Variants in IL4R observed in about 807,000 individuals in gnomAD.
IL4R encodes the protein interleukin 4 receptor.
A neutral mutation model predicts 41.5 loss-of-function variants in IL4R; 17 were observed. That is an observed-to-expected ratio of 0.41 (90% CI 0.28 to 0.61). The LOEUF is 0.61. IL4R is among the 20% of genes least tolerant of loss of function. The probability of loss-of-function intolerance (pLI) is 0.31; values close to 1 mark genes in which losing one functional copy is unlikely to be tolerated. For missense variants in IL4R, 974 were observed against 1,043.1 expected (o/e 0.93, Z 0.91); for synonymous variants, 402 against 422.9 (o/e 0.95, Z 0.61).
At chr16:27,316,090 C>T (rs2084640973) in intron 1 of IL4R, among the ~76,000 whole-genome samples, 1 of 152,198 alleles carries the variant, frequency 6.6e-6, no homozygotes, top group African/African-American at 2.4e-5. Flanking sequence ...AAGTGACAAG[C>T]TGGGCGCAGT....
In IL4R at chr16:27,324,297, A is replaced by G. The variant is rs536639310; in HGVS notation, c.-151-5769A>G. ...CGAGGTGGCTGAGATCTGTGCCTGC[A>G]TTAGGACATTTAAGGGGACTCCAAG... On this transcript the variant is annotated intron_variant, in intron 1 of 10. Coordinates refer to ENST00000395762, the MANE Select transcript of IL4R (RefSeq NM_000418.4). Among the ~76,000 whole-genome samples the G allele has an allele frequency of 4.6e-5, 7 of 152,338 alleles. No individual in the cohort carries two copies. In the South Asian group the frequency reaches 1.2e-3, roughly 27 times the overall value.
chr16:27,327,740 G>A (rs1441228007), intron 1 of IL4R, among the ~76,000 whole-genome samples: 1 of 152,094 alleles, frequency 6.6e-6, no homozygotes. Context: ...TAGCCTTTTT[G>A]TGCCTCAGTC....
chr16:27,350,397 A>G (rs1490566473), intron 6 of IL4R, among the ~76,000 whole-genome samples: 1 of 152,084 alleles, frequency 6.6e-6, no homozygotes, highest in Non-Finnish European at 1.5e-5. Context: ...CCTCTGTAAT[A>G]GGAAAATCTC....
intron 9 of IL4R, 118 bp from the exon 10 acceptor site, chr16:27,360,648 C>A: frequency 8.5e-7 from 1 of 1,179,868 alleles, no homozygotes; most frequent in Non-Finnish European, 1.3e-6. Context: ...GCGTAAGTGA[C>A]CTGTTGGACT....
upstream of IL4R, chr16:27,313,794 C>T: frequency 4.2e-6 from 2 of 476,078 alleles, no homozygotes; most frequent in Non-Finnish European, 5.5e-6. Context: ...GCGGCGGCGG[C>T]GGGGACAGCG....
intron 3 of IL4R, chr16:27,341,422 AGTT>A (rs1329295649): frequency 3.0e-4 from 162 of 534,230 alleles, no homozygotes; most frequent in Non-Finnish European, 5.0e-5. Flanking sequence ...CCCTTATGCA[AGTT>A]GTTGTCAGCT....
In IL4R at chr16:27,360,829, C is replaced by T. The variant is rs1173184588; in HGVS notation, c.899+14C>T. Reference sequence around the variant, plus strand: ...AGCCAAGTGCCCGTATGTATCTGAACTTAGGTCACAGCCTGCATGCATTGG... The same window carrying T: ...AGCCAAGTGCCCGTATGTATCTGAATTTAGGTCACAGCCTGCATGCATTGG... On this transcript the variant is annotated intron_variant, in intron 10 of 10. Coordinates refer to ENST00000395762, the MANE Select transcript of IL4R (RefSeq NM_000418.4). The T allele has an allele frequency of 6.2e-7, 1 of 1,614,182 alleles. No individual in the cohort carries two copies. The highest frequency in any genetic ancestry group is 1.3e-5 in the African/African-American group (1 of 75,052).
In IL4R at chr16:27,324,841, G is replaced by A. The variant is rs151305182; in HGVS notation, c.-151-5225G>A. Among the ~76,000 whole-genome samples, 1,232 of 152,146 alleles carry A rather than the reference G, an allele frequency of 8.1e-3. 16 individuals are homozygous for A. The highest frequency in any genetic ancestry group is 0.028 in the African/African-American group (1,152 of 41,500). On this transcript the variant is annotated intron_variant, in intron 1 of 10. Transcript: ENST00000395762. Reference sequence around the variant, plus strand: ...CCCCAGCAAATCTGCTTCTCTTCTCGGCTCTCCATCGTGGGAAGGGTCCCT... The same window carrying A: ...CCCCAGCAAATCTGCTTCTCTTCTCAGCTCTCCATCGTGGGAAGGGTCCCT...
At chr16:27,341,954 G>A (rs1192306266) in intron 3 of IL4R, 167 bp from the exon 4 acceptor site, 1 of 643,052 alleles carries the variant, frequency 1.6e-6, no homozygotes, top group Admixed American at 3.0e-5. Context: ...CCCGACACTA[G>A]CTGGGAAGCT....
At chr16:27,341,576 G>GA (rs1264178675) in intron 3 of IL4R, among the ~76,000 whole-genome samples, 1 of 152,134 alleles carries the variant, frequency 6.6e-6, no homozygotes, top group Non-Finnish European at 1.5e-5. Context: ...GCTGAAAGGA[G>GA]AAGGACCCCG....
In IL4R at chr16:27,363,761, G is replaced by T; in HGVS notation, c.2409G>T (p.Gln803His). Residue 803 changes from glutamine (Q) to histidine (H), a missense_variant, in exon 11 of 11, where the codon CAG (glutamine) becomes CAT (histidine). Gln to His is a conservative substitution (Grantham distance 24, BLOSUM62 0). Coordinates refer to ENST00000395762, the MANE Select transcript of IL4R (RefSeq NM_000418.4). ...TCCATCCTGCCCCTGGCAATGCTCA[G>T]AGCTCAAGCCAGACCCCCAAAATCG... is the stretch of plus-strand genomic sequence containing the variant. ...SSFHPAPGNA[Q>H]SSSQTPKIVN... The T allele has an allele frequency of 6.2e-7, 1 of 1,612,452 alleles. No homozygotes were observed.
At chr16:27,358,467 T>C (rs561693432) in intron 8 of IL4R, among the ~76,000 whole-genome samples, 1 of 152,264 alleles carries the variant, frequency 6.6e-6, no homozygotes, top group African/African-American at 2.4e-5. Context: ...TCTCCGTAGG[T>C]CCCCCAGCTT....
chr16:27,346,715 A>G, intron 6 of IL4R, 97 bp downstream of exon 6: 1 of 1,356,112 alleles, frequency 7.4e-7, no homozygotes, highest in Non-Finnish European at 1.0e-6. Context: ...CCTGGGAGGC[A>G]AGCCCTGGGG....
Position 27,320,476 on chromosome 16 carries a change from C to G in IL4R, c.-152+6456C>G, listed in dbSNP as rs75433162. On this transcript the variant is annotated intron_variant, in intron 1 of 10. Coordinates refer to ENST00000395762, the MANE Select transcript of IL4R (RefSeq NM_000418.4). ...GGAATGGAGATGAGTGGGTGTCCTG[C>G]TCATTTCCCTGAGGAGGAACCTGAG... is the stretch of plus-strand genomic sequence containing the variant. Among the ~76,000 whole-genome samples, 5 of 152,274 alleles carry G rather than the reference C, an allele frequency of 3.3e-5. No individual in the cohort carries two copies. The East Asian group carries it at 9.7e-4, about 29-fold the overall frequency.
intron 10 of IL4R, chr16:27,361,100 ATTGTATAC>A (rs2086267468): frequency 8.0e-7 from 1 of 1,254,624 alleles, no homozygotes; most frequent in Admixed American, 3.2e-5. Context: ...TCTTGACCTA[ATTGTATAC>A]TTGTCGGCAA....
Position 27,327,155 on chromosome 16 carries a change from C to T in IL4R, c.-151-2911C>T, listed in dbSNP as rs570538089. ...CCAAAGCCCCAGCCCCCACCCGAGG[C>T]CCCTGCTGTCCCTGGATTCCTCTCC... is the stretch of plus-strand genomic sequence containing the variant. On this transcript the variant is annotated intron_variant, in intron 1 of 10. Transcript: ENST00000395762. 2.2e-4 allele frequency among the ~76,000 whole-genome samples: 33 copies of T among 152,240 alleles called. No individual in the cohort carries two copies. In the South Asian group the frequency reaches 6.8e-3, roughly 32 times the overall value.
In IL4R at chr16:27,355,663, G is replaced by A. The variant is rs567620084; in HGVS notation, c.671-145G>A. 3.0e-4 allele frequency: 178 copies of A among 599,832 alleles called. 1 individual carries two copies. The highest frequency in any genetic ancestry group is 2.7e-3 in the African/African-American group (145 of 53,978). The allele number at this position is 599,832 out of a possible 1,614,324, so 37.2% of individuals were successfully genotyped here. On this transcript the variant is annotated intron_variant, in intron 7 of 10. Coordinates refer to ENST00000395762, the MANE Select transcript of IL4R (RefSeq NM_000418.4). Reference sequence around the variant, plus strand: ...TCAATGTGCAAGAGGGAGAGTGGTGGGGAGATGAGGTGGAGGGGTGGTCGG... The same window carrying A: ...TCAATGTGCAAGAGGGAGAGTGGTGAGGAGATGAGGTGGAGGGGTGGTCGG...
rs960324104 is a variant in IL4R, at chr16:27,345,081, G to T, written c.361+61G>T. 4.8e-6 allele frequency: 6 copies of T among 1,254,112 alleles called. No individual in the cohort carries two copies. The highest frequency in any genetic ancestry group is 6.8e-6 in the Non-Finnish European group (6 of 883,044). The allele number at this position is 1,254,112 out of a possible 1,614,324, so 77.7% of individuals were successfully genotyped here. A position where few individuals can be genotyped will look rare whatever the true frequency, so the allele number is the denominator to read the frequency against. The stretch of plus-strand genomic sequence containing the variant: ...GTGTTCCCACAGCTGCCTGGGCTGA[G>T]GGTGGGGTGGGCAGGGGAGGAGGTG... On this transcript the variant is annotated intron_variant, in intron 5 of 10. Coordinates refer to ENST00000395762, the MANE Select transcript of IL4R (RefSeq NM_000418.4). This position sits in a 1 kb window ranked among gnomAD's most constrained non-coding sequence, Gnocchi z 4.5.
rs759540159 is a variant in IL4R, at chr16:27,363,639, G to A, written c.2287G>A (p.Asp763Asn). The change falls in exon 11 of 11, where the codon GAC becomes AAC. Residue 763 changes from aspartate to asparagine, a missense_variant. Around this residue, in one of 3 missense-constraint regions of IL4R, gnomAD observed 682 missense variants for 704.3 expected, o/e 0.97. Transcript: ENST00000395762. Reference protein sequence around the residue: ...SPPTTPLRAPDPSPGGVPLEA... With the variant: ...SPPTTPLRAPNPSPGGVPLEA... ...CCCTACAACCCCCCTGAGGGCCCCA[G>A]ACCCCTCTCCAGGTGGGGTTCCACT... 5 of 1,613,458 alleles carry A rather than the reference G, an allele frequency of 3.1e-6. No individual in the cohort carries two copies. The highest frequency in any genetic ancestry group is 4.2e-6 in the Non-Finnish European group (5 of 1,179,852).
Sources: gnomAD v4.1 joint callset for allele counts (sites outside exome capture counted in the v4.1 genomes callset) on GRCh38, gnomAD v4.1.1 for gene constraint, gnomAD v4.1.1 regional missense constraint, Gnocchi (gnomAD v3.1) non-coding constraint, MANE v1.5 for transcripts, NCBI Gene and HGNC (gene_info 2026-07-23, HGNC 2026-07-21) for gene names.